SLC14A2: variants seen among roughly 807,000 people sequenced by gnomAD.
SLC14A2 encodes the protein solute carrier family 14 member 2.
A neutral mutation model predicts 104.6 loss-of-function variants in SLC14A2; 91 were observed. That is an observed-to-expected ratio of 0.87 (90% confidence interval 0.73 to 1.04). The LOEUF (loss-of-function observed/expected upper bound fraction) is 1.04. Among genes scored for constraint, SLC14A2 ranks in the 50% least tolerant of loss-of-function variants. SLC14A2 has a pLI of 0.00. For synonymous variants in SLC14A2, 476 were observed against 466.4 expected, an observed-to-expected ratio of 1.02 and a Z score of -0.27; for missense variants, 1,189 against 1,156.0, an observed-to-expected ratio of 1.03 and a Z score of -0.41.
intron 4 of SLC14A2, among the ~76,000 whole-genome samples, chr18:45,628,000 CAAAA>C (rs58009345): frequency 0.13 from 10,552 of 83,464 alleles, 450 homozygotes; most frequent in Non-Finnish European, 0.19. Flanking sequence ...AAGACTTTCT[CAAAA>C]AAAAAAAAAA....
At chr18:45,367,977 T>C (rs2085683452) in intron 1 of SLC14A2, among the ~76,000 whole-genome samples, 1 of 152,118 alleles carries the variant, frequency 6.6e-6, no homozygotes, top group African/African-American at 2.4e-5. Context: ...ACACCTTGGA[T>C]TGAAAACAGG....
At chr18:45,298,516 C>T (rs937359887) in intron 1 of SLC14A2, among the ~76,000 whole-genome samples, 1 of 152,150 alleles carries the variant, frequency 6.6e-6, no homozygotes, top group African/African-American at 2.4e-5. Flanking sequence ...TTCCTTGAGG[C>T]CCCTTTAGCC....
chr18:45,658,685 C>G (rs1489139604), intron 10 of SLC14A2, among the ~76,000 whole-genome samples: 1 of 151,936 alleles, frequency 6.6e-6, no homozygotes, highest in East Asian at 1.9e-4. Context: ...TATTTCCCCT[C>G]TGAAAGAAGT....
At chr18:45,374,570 G>A (rs1187897910) in intron 1 of SLC14A2, among the ~76,000 whole-genome samples, 2 of 150,354 alleles carry the variant, frequency 1.3e-5, no homozygotes, top group African/African-American at 4.9e-5. Context: ...AAGATAAGGA[G>A]TCAGAAATCC....
At chr18:45,443,930 C>T (rs2086722850) in intron 1 of SLC14A2, among the ~76,000 whole-genome samples, 1 of 152,090 alleles carries the variant, frequency 6.6e-6, no homozygotes, top group Admixed American at 6.5e-5. Flanking sequence ...TTTCCATAAT[C>T]CAGGCCTTAG....
At chr18:45,513,962 T>C (rs2144793396) in intron 2 of SLC14A2, among the ~76,000 whole-genome samples, 2 of 152,328 alleles carry the variant, frequency 1.3e-5, no homozygotes, top group African/African-American at 4.8e-5. Context: ...CTGCCATTCA[T>C]GTTAATTTTC....
chr18:45,607,516 A>G (rs1486793527), intron 2 of SLC14A2, among the ~76,000 whole-genome samples: 1 of 152,140 alleles, frequency 6.6e-6, no homozygotes, highest in East Asian at 1.9e-4. Context: ...TTCCTCCATA[A>G]AAAGTATACC....
the SLC14A2 span, among the ~76,000 whole-genome samples, chr18:45,189,676 G>A: frequency 2.6e-5 from 4 of 152,042 alleles, no homozygotes; most frequent in Admixed American, 2.0e-4. Flanking sequence ...TATGTTTCAC[G>A]TAACTGTTAA....
intron 4 of SLC14A2, 67 bp from the exon 5 acceptor site, chr18:45,632,283 C>A: frequency 2.6e-6 from 4 of 1,563,778 alleles, no homozygotes; most frequent in Non-Finnish European, 3.5e-6. Flanking sequence ...ATCCTCAGAG[C>A]ACCAGGAGGG....
chr18:45,540,792 G>A (rs890651738), intron 2 of SLC14A2, among the ~76,000 whole-genome samples: 1 of 152,098 alleles, frequency 6.6e-6, no homozygotes, highest in Admixed American at 6.5e-5. Flanking sequence ...GAAGCTCCCT[G>A]AGGGCTGGGG....
chr18:45,466,749 AGTGATTG>A (rs900965111), intron 1 of SLC14A2, among the ~76,000 whole-genome samples: 4 of 151,854 alleles, frequency 2.6e-5, no homozygotes, highest in African/African-American at 9.7e-5. Flanking sequence ...TGCAATGGGC[AGTGATTG>A]GAGATGACTG....
intron 1 of SLC14A2, among the ~76,000 whole-genome samples, chr18:45,271,502 T>C (rs1416026790): frequency 6.6e-6 from 1 of 152,106 alleles, no homozygotes; most frequent in Non-Finnish European, 1.5e-5. Context: ...CATGCAATGA[T>C]AAAATGCTAC....
intron 1 of SLC14A2, among the ~76,000 whole-genome samples, chr18:45,297,804 G>A (rs2084931354): frequency 1.3e-5 from 2 of 152,160 alleles, no homozygotes; most frequent in Admixed American, 1.3e-4. Flanking sequence ...CAGGGTCCAG[G>A]TCAGGTGTTT....
intron 1 of SLC14A2, among the ~76,000 whole-genome samples, chr18:45,218,957 A>G (rs1234624697): frequency 6.6e-6 from 1 of 152,212 alleles, no homozygotes; most frequent in African/African-American, 2.4e-5. Context: ...TGAATTCAGA[A>G]TTAATTTTTA....
At chr18:45,469,511 C>A (rs558903532) in intron 1 of SLC14A2, among the ~76,000 whole-genome samples, 1 of 152,074 alleles carries the variant, frequency 6.6e-6, no homozygotes, top group Non-Finnish European at 1.5e-5. Context: ...AACTGGCAGG[C>A]CTTTGTACCT....
intron 1 of SLC14A2, among the ~76,000 whole-genome samples, chr18:45,458,966 G>T (rs1353985098): frequency 2.0e-5 from 3 of 152,176 alleles, no homozygotes; most frequent in Non-Finnish European, 2.9e-5. Context: ...ATAGGACAAC[G>T]ATAATAAGGT....
At chr18:45,576,445 G>A (rs547522669) in intron 2 of SLC14A2, among the ~76,000 whole-genome samples, 104 of 151,992 alleles carry the variant, frequency 6.8e-4, no homozygotes, top group African/African-American at 2.3e-3. Flanking sequence ...CACCACGCCC[G>A]GCTAATTTGT....
At chr18:45,429,838 C>T (rs905348168) in intron 1 of SLC14A2, among the ~76,000 whole-genome samples, 2 of 152,074 alleles carry the variant, frequency 1.3e-5, no homozygotes, top group Non-Finnish European at 2.9e-5. Context: ...GTAGTCTGAT[C>T]CAGTAAAGGT....
At chr18:45,505,249 G>A (rs1175758162) in intron 2 of SLC14A2, among the ~76,000 whole-genome samples, 2 of 151,972 alleles carry the variant, frequency 1.3e-5, no homozygotes, top group African/African-American at 2.4e-5. Context: ...CACCACCAAG[G>A]GCAGACAGGG....
Sources: allele counts gnomAD v4.1 joint callset (sites outside exome capture counted in the v4.1 genomes callset), GRCh38; gene constraint gnomAD v4.1.1; transcripts MANE v1.5; gene names NCBI Gene and HGNC (gene_info 2026-07-23, HGNC 2026-07-21).